Variants in TRIM66 observed in about 807,000 individuals in gnomAD.
TRIM66 encodes tripartite motif-containing protein 66.
Under a neutral mutation model 148.2 loss-of-function variants are expected in TRIM66, and 99 were observed. The ratio of observed to expected loss-of-function variants is 0.67; its 90% CI spans 0.57 to 0.79. The LOEUF is 0.79. Among genes scored for constraint, TRIM66 ranks in the 30% least tolerant of loss-of-function variants. TRIM66 has a pLI of 0.00. For missense variants in TRIM66, 1,666 were observed against 1,697.9 expected, an observed-to-expected ratio of 0.98 and a Z score of 0.33; for synonymous variants, 616 against 635.9, an observed-to-expected ratio of 0.97 and a Z score of 0.47.
intron 12 of TRIM66, 127 bp from the exon 13 acceptor site, chr11:8,643,253 T>C (rs577969503): frequency 1.5e-6 from 1 of 685,802 alleles, no homozygotes; most frequent in Non-Finnish European, 2.4e-6. Context: ...TCATCCTCCA[T>C]ATTCTCATTC....
At chr11:8,670,525 AAG>A (rs1344861964) in intron 6 of TRIM66, among the ~76,000 whole-genome samples, 1 of 152,218 alleles carries the variant, frequency 6.6e-6, no homozygotes, top group Non-Finnish European at 1.5e-5. Context: ...CTGGATTTTC[AAG>A]AGTTCTTTAA....
At position 8,617,829 on chromosome 11, in the gene TRIM66, G is replaced by T; in HGVS notation, c.*115C>A. Reference sequence around the variant, plus strand: ...AAATGGCAAAGAAGAGCACTACACAGTTCAACAAGACTCATCTACCATCCA... The same window carrying T: ...AAATGGCAAAGAAGAGCACTACACATTTCAACAAGACTCATCTACCATCCA... On this transcript the variant is annotated 3_prime_UTR_variant, in exon 25 of 25. Coordinates refer to ENST00000646038, the MANE Select transcript of TRIM66 (RefSeq NM_001388022.1). The T allele has an allele frequency of 9.8e-7, 1 of 1,024,058 alleles. No homozygotes were observed. The highest frequency in any genetic ancestry group is 1.5e-6 in the Non-Finnish European group (1 of 673,010). 63.4% of individuals were successfully genotyped at this position (1,024,058 alleles called of 1,614,324 possible).
Position 8,624,798 on chromosome 11 carries a change from C to G in TRIM66, c.2741G>C (p.Gly914Ala). ...AGTTCGGCCAGAACTGGAGCTGGAC[C>G]CAGTTTCTGGCTGCATGTCAGAAAC... ...PPVSDMQPET[G>A]SSSSSGRTSG... The change falls in exon 16 of 25, where the codon GGG (glycine) becomes GCG (alanine). Residue 914 changes from glycine to alanine, a missense_variant. Gly to Ala is a moderately conservative substitution (Grantham distance 60). Transcript: ENST00000646038. The G allele has an allele frequency of 1.3e-6, 2 of 1,551,562 alleles. No individual in the cohort carries two copies. Among genetic ancestry groups the G allele is most frequent in the South Asian group, 2.4e-5 (2 of 84,020 alleles).
At chr11:8,620,190 G>A (rs1408033516) in intron 21 of TRIM66, 66 bp from the exon 22 acceptor site, 23 of 1,460,676 alleles carry the variant, frequency 1.6e-5, no homozygotes, top group Admixed American at 7.9e-5. Context: ...AACTAAAGAT[G>A]TTGACCCTGA....
intron 21 of TRIM66, 69 bp from the exon 22 acceptor site, chr11:8,620,193 G>A: frequency 6.9e-7 from 1 of 1,445,606 alleles, no homozygotes; most frequent in Non-Finnish European, 9.5e-7. Flanking sequence ...TAAAGATGTT[G>A]ACCCTGATAA....
rs565429099 is a variant in TRIM66, at chr11:8,682,612, A to G, written c.-559T>C. On this transcript the variant is annotated 5_prime_UTR_variant, in exon 1 of 25. Coordinates refer to ENST00000646038, the MANE Select transcript of TRIM66 (RefSeq NM_001388022.1). ...ACAACGAGCCTCACCGAAACCGTAC[A>G]CCGCCACCAGGACACTCCGTGATGG... 11 of 632,944 alleles carry G rather than the reference A, an allele frequency of 1.7e-5. No homozygotes were observed. The highest frequency in any genetic ancestry group is 1.3e-4 in the South Asian group (7 of 55,564). The allele number at this position is 632,944 out of a possible 1,614,324, so 39.2% of individuals were successfully genotyped here.
At chr11:8,651,651 T>C (rs2037368494) in intron 7 of TRIM66, 149 bp downstream of exon 7, 1 of 718,310 alleles carries the variant, frequency 1.4e-6, no homozygotes, top group Non-Finnish European at 2.4e-6. Context: ...ATTTTTATTT[T>C]CTTCTAGATG....
Position 8,679,657 on chromosome 11 carries a change from G to C in TRIM66, c.-227C>G, listed in dbSNP as rs1470431368. ...ATCATCTTCCCAAGGTTAGGTTCCAGGTAACCCAGCTCATTTCTTGTGCAC... is the reference window on the plus strand; with the variant it reads ...ATCATCTTCCCAAGGTTAGGTTCCACGTAACCCAGCTCATTTCTTGTGCAC... On this transcript the variant is annotated 5_prime_UTR_variant, in exon 3 of 25. Transcript: ENST00000646038. The C allele has an allele frequency of 6.5e-6, 1 of 152,710 alleles. No individual in the cohort carries two copies. Among genetic ancestry groups the C allele is most frequent in the Non-Finnish European group, 1.5e-5 (1 of 68,104 alleles). The allele number at this position is 152,710 out of a possible 1,614,324, so 9.5% of individuals were successfully genotyped here.
At chr11:8,642,351 C>T (rs1387885715) in intron 13 of TRIM66, among the ~76,000 whole-genome samples, 1 of 152,248 alleles carries the variant, frequency 6.6e-6, no homozygotes, top group South Asian at 2.1e-4. Flanking sequence ...TGTCACTTTG[C>T]CAAGTTCAAC....
In TRIM66 at chr11:8,624,399, G is replaced by A. The variant is rs2034606190; in HGVS notation, c.2979C>T (p.Val993=). 1 of 1,551,510 alleles carries A rather than the reference G, an allele frequency of 6.4e-7. No homozygotes were observed. Among genetic ancestry groups the A allele is most frequent in the Non-Finnish European group, 8.7e-7 (1 of 1,146,960 alleles). ...ACTGCTGCAGAGCTGTAGACGTGCT[G>A]ACCACTGGCGCCAGTGGAGGTTTCT... ...SVKKPPLAPV[V]STSTALQQYQ... Residue 993 remains valine, a synonymous_variant, in exon 17 of 25, where the codon GTC becomes GTT. Coordinates refer to ENST00000646038, the MANE Select transcript of TRIM66 (RefSeq NM_001388022.1).
chr11:8,651,970 A>G, intron 6 of TRIM66, 67 bp from the exon 7 acceptor site: 2 of 1,308,898 alleles, frequency 1.5e-6, no homozygotes, highest in Non-Finnish European at 2.1e-6. Flanking sequence ...CCTGGACATA[A>G]GGCTTTCTAA....
At chr11:8,675,250 G>A (rs1383315684) in intron 3 of TRIM66, among the ~76,000 whole-genome samples, 1 of 152,172 alleles carries the variant, frequency 6.6e-6, no homozygotes, top group African/African-American at 2.4e-5. Context: ...CAAATTCATG[G>A]AGGCAGCAAA....
At chr11:8,626,175 A>G (rs1291282114) in intron 15 of TRIM66, among the ~76,000 whole-genome samples, 2 of 152,184 alleles carry the variant, frequency 1.3e-5, no homozygotes, top group African/African-American at 4.8e-5. Context: ...AAGGAGGGAG[A>G]CTGGCTCTAA....
chr11:8,676,126 C>T (rs906133503), intron 3 of TRIM66, among the ~76,000 whole-genome samples: 1 of 152,142 alleles, frequency 6.6e-6, no homozygotes, highest in Non-Finnish European at 1.5e-5. Flanking sequence ...TTTTTCTTCA[C>T]ACAGAACATC....
chr11:8,618,598 C>T, intron 24 of TRIM66, 152 bp downstream of exon 24: 1 of 709,952 alleles, frequency 1.4e-6, no homozygotes, highest in Non-Finnish European at 2.3e-6. Context: ...ACTGCCCTGC[C>T]TTCCCTGGGG....
chr11:8,618,340 C>A (rs573936809), intron 24 of TRIM66, among the ~76,000 whole-genome samples: 2 of 152,230 alleles, frequency 1.3e-5, no homozygotes, highest in Non-Finnish European at 2.9e-5. Flanking sequence ...TCCTTACCTA[C>A]ACCAAGGGGC....
chr11:8,638,450 A>G (rs2036079641), intron 15 of TRIM66, among the ~76,000 whole-genome samples: 1 of 152,088 alleles, frequency 6.6e-6, no homozygotes, highest in South Asian at 2.1e-4. Flanking sequence ...TCCCATTTTA[A>G]GTGTGCGTGG....
At chr11:8,631,712 T>C (rs1424911440) in intron 15 of TRIM66, among the ~76,000 whole-genome samples, 1 of 152,258 alleles carries the variant, frequency 6.6e-6, no homozygotes, top group Admixed American at 6.5e-5. Flanking sequence ...CTCTGCTTAC[T>C]ACTATAATGT....
chr11:8,630,763 T>C (rs751079879), intron 15 of TRIM66, among the ~76,000 whole-genome samples: 21 of 152,338 alleles, frequency 1.4e-4, no homozygotes, highest in East Asian at 7.7e-4. Context: ...GTCTGACTTA[T>C]CTGAAATTAC....
Sources: gnomAD v4.1 joint callset for allele counts (sites outside exome capture counted in the v4.1 genomes callset) on GRCh38, gnomAD v4.1.1 for gene constraint, MANE v1.5 for transcripts, NCBI Gene and HGNC (gene_info 2026-07-23, HGNC 2026-07-21) for gene names.